TSC22D1: variants seen among roughly 807,000 people sequenced by gnomAD.
TSC22D1 encodes TSC22 domain family member 1.
A neutral mutation model predicts 74.2 loss-of-function variants in TSC22D1; 9 were observed. The observed-to-expected ratio is 0.12, with a 90% CI of 0.07 to 0.21. TSC22D1 has a LOEUF of 0.21. TSC22D1 is among the 10% of genes least tolerant of loss of function. The probability of loss-of-function intolerance (pLI) is 1.00; values close to 1 mark genes in which losing one functional copy is unlikely to be tolerated. For missense variants in TSC22D1, 1,427 were observed against 1,304.7 expected, an observed-to-expected ratio of 1.09 and a Z score of -1.44; for synonymous variants, 586 against 492.5, an observed-to-expected ratio of 1.19 and a Z score of -2.51.
chr13:44,573,135 T>C (rs189273196), intron 1 of TSC22D1, 28 bp downstream of exon 1: 1 of 1,601,934 alleles, frequency 6.2e-7, no homozygotes, highest in African/African-American at 1.3e-5. Flanking sequence ...ATCTGTTGAA[T>C]GTCTCCAGAA....
chr13:44,434,824 C>G lies in TSC22D1; in HGVS notation c.3024G>C (p.Glu1008Asp), dbSNP rs1196010812. 1 of 1,614,024 alleles carries G rather than the reference C, an allele frequency of 6.2e-7. No individual in the cohort carries two copies. Among genetic ancestry groups the G allele is most frequent in the East Asian group, 2.2e-5 (1 of 44,866 alleles). Residue 1008 changes from glutamate to aspartate, a missense_variant, in exon 3 of 3, where the codon GAG (glutamate) becomes GAC (aspartate). By Grantham distance (45) the Glu-to-Asp change is conservative (BLOSUM62 2). Around this residue, in one of 3 missense-constraint regions of TSC22D1, gnomAD observed 21 missense variants for 62.7 expected, o/e 0.34. Transcript: ENST00000458659. ...TTTTCTCTATTAGTTCTTTGATTTG[C>G]TCTTTGAGGACCTCCACTTCTTCTC... is the stretch of plus-strand genomic sequence containing the variant. ...AVREEVEVLK[E>D]QIKELIEKNS...
chr13:44,561,624 C>A (rs1049738721), intron 1 of TSC22D1, among the ~76,000 whole-genome samples: 4 of 152,184 alleles, frequency 2.6e-5, no homozygotes, highest in Non-Finnish European at 5.9e-5. Flanking sequence ...TCAAACTCCT[C>A]CTCAAGCATG....
In TSC22D1 at chr13:44,437,304, A is replaced by G. The variant is rs985201075; in HGVS notation, c.2913-1209T>C. ...CCAGTCCCACCACTGTAAGACTTCG[A>G]GTGTCTTGATTTCAATTATCTAGTT... On this transcript the variant is annotated intron_variant, in intron 1 of 2. Coordinates refer to ENST00000458659, the MANE Select transcript of TSC22D1 (RefSeq NM_183422.4). 6 of 973,056 alleles carry G rather than the reference A, an allele frequency of 6.2e-6. No individual in the cohort carries two copies. The South Asian group carries it at 2.8e-4, about 46-fold the overall frequency. The allele number at this position is 973,056 out of a possible 1,614,324, so 60.3% of individuals were successfully genotyped here.
chr13:44,444,552 G>A (rs1367378225), intron 1 of TSC22D1, among the ~76,000 whole-genome samples: 1 of 151,856 alleles, frequency 6.6e-6, no homozygotes, highest in Admixed American at 6.6e-5. Context: ...GTAGACTGCA[G>A]TGCAAAGAAT....
At chr13:44,498,666 T>G (rs1250542502) in intron 1 of TSC22D1, among the ~76,000 whole-genome samples, 1 of 152,150 alleles carries the variant, frequency 6.6e-6, no homozygotes, top group Non-Finnish European at 1.5e-5. Context: ...ATTCAGTCAT[T>G]CAGTCAAGCA....
At chr13:44,497,161 T>C (rs1879015922) in intron 1 of TSC22D1, among the ~76,000 whole-genome samples, 1 of 152,104 alleles carries the variant, frequency 6.6e-6, no homozygotes, top group South Asian at 2.1e-4. Context: ...CAAATGTCCA[T>C]CAGTAGATAA....
chr13:44,451,143 C>T (rs910877174), intron 1 of TSC22D1, among the ~76,000 whole-genome samples: 1 of 152,232 alleles, frequency 6.6e-6, no homozygotes, highest in African/African-American at 2.4e-5. Flanking sequence ...AAAGAGCCAG[C>T]AACTGCGTCC....
At chr13:44,531,005 G>A (rs1880805883) in intron 1 of TSC22D1, among the ~76,000 whole-genome samples, 1 of 152,116 alleles carries the variant, frequency 6.6e-6, no homozygotes, top group Non-Finnish European at 1.5e-5. Flanking sequence ...GGGAACAAAG[G>A]ACATTTCTAG....
intron 1 of TSC22D1, among the ~76,000 whole-genome samples, chr13:44,505,411 A>G (rs1333290866): frequency 6.6e-6 from 1 of 152,098 alleles, no homozygotes; most frequent in African/African-American, 2.4e-5. Context: ...AAAATTAGCC[A>G]GGCGTGGTGG....
chr13:44,434,539 G>T lies in TSC22D1; in HGVS notation c.*87C>A. Reference sequence around the variant, plus strand: ...TCTTTCGCAGCGAGCAATGAAATGGGTGACTGTGGAGGCAGATTCTCCCTA... The same window carrying T: ...TCTTTCGCAGCGAGCAATGAAATGGTTGACTGTGGAGGCAGATTCTCCCTA... On this transcript the variant is annotated 3_prime_UTR_variant, in exon 3 of 3. Coordinates refer to ENST00000458659, the MANE Select transcript of TSC22D1 (RefSeq NM_183422.4). 6.8e-7 allele frequency: 1 copy of T among 1,473,378 alleles called. No homozygotes were observed. Among genetic ancestry groups the T allele is most frequent in the Non-Finnish European group, 9.0e-7 (1 of 1,115,340 alleles). 91.3% of individuals were successfully genotyped at this position (1,473,378 alleles called of 1,614,324 possible).
At chr13:44,552,188 T>C (rs891884513) in intron 1 of TSC22D1, among the ~76,000 whole-genome samples, 12 of 152,238 alleles carry the variant, frequency 7.9e-5, no homozygotes, top group African/African-American at 2.7e-4. Flanking sequence ...GCAAATCTTA[T>C]TCTCAAAATG....
rs556800868 is a variant in TSC22D1 at position 44,514,945 on chromosome 13, C to T, written c.2912+58218G>A. 7.9e-5 allele frequency among the ~76,000 whole-genome samples: 12 copies of T among 152,124 alleles called. No homozygotes were observed. The South Asian group carries it at 2.5e-3, about 32-fold the overall frequency. Reference sequence around the variant, plus strand: ...AAATTACTCTGAGATACAGTATTAACCTAATAGATAAGCAAAAATCCAGAT... The same window carrying T: ...AAATTACTCTGAGATACAGTATTAATCTAATAGATAAGCAAAAATCCAGAT... On this transcript the variant is annotated intron_variant, in intron 1 of 2. Coordinates refer to ENST00000458659, the MANE Select transcript of TSC22D1 (RefSeq NM_183422.4).
chr13:44,493,332 TTGACTTATC>T (rs888797602), intron 1 of TSC22D1, among the ~76,000 whole-genome samples: 5 of 152,194 alleles, frequency 3.3e-5, no homozygotes, highest in Admixed American at 6.5e-5. Context: ...TTTGTCTGTT[TTGACTTATC>T]TGGGGACAAC....
At chr13:44,514,987 T>G (rs1413528075) in intron 1 of TSC22D1, among the ~76,000 whole-genome samples, 1 of 152,242 alleles carries the variant, frequency 6.6e-6, no homozygotes, top group African/African-American at 2.4e-5. Flanking sequence ...TGGCATACTC[T>G]AATGATAAGG....
At chr13:44,558,311 A>G (rs1001605275) in intron 1 of TSC22D1, among the ~76,000 whole-genome samples, 3 of 152,244 alleles carry the variant, frequency 2.0e-5, no homozygotes, top group African/African-American at 7.2e-5. Flanking sequence ...GTAGTAACAT[A>G]TCAACCAATA....
At chr13:44,437,195 C>A (rs1479532560) in intron 1 of TSC22D1, 1 of 985,410 alleles carries the variant, frequency 1.0e-6, no homozygotes, top group African/African-American at 1.7e-5. Context: ...AGTCAGACCC[C>A]GGTCCCCGGA....
chr13:44,508,568 CTCCA>C (rs1879543719), intron 1 of TSC22D1, among the ~76,000 whole-genome samples: 2 of 152,194 alleles, frequency 1.3e-5, no homozygotes, highest in South Asian at 4.1e-4. Flanking sequence ...TAATCCGTTT[CTCCA>C]TCCAACAGCC....
intron 1 of TSC22D1, among the ~76,000 whole-genome samples, chr13:44,498,037 T>C (rs80276918): frequency 2.0e-5 from 3 of 151,134 alleles, no homozygotes; most frequent in African/African-American, 7.3e-5. Flanking sequence ...ACAGAGGGTG[T>C]AGTCTTCCTA....
intron 1 of TSC22D1, among the ~76,000 whole-genome samples, chr13:44,571,039 G>A (rs992498473): frequency 2.0e-5 from 3 of 152,090 alleles, no homozygotes; most frequent in Non-Finnish European, 2.9e-5. Flanking sequence ...TTAAGATACC[G>A]CTAAAACAAA....
Sources: gnomAD v4.1 joint callset for allele counts (sites outside exome capture counted in the v4.1 genomes callset) on GRCh38, gnomAD v4.1.1 for gene constraint, gnomAD v4.1.1 regional missense constraint, MANE v1.5 for transcripts, NCBI Gene and HGNC (gene_info 2026-07-23, HGNC 2026-07-21) for gene names.